Variants in SPAG16 observed in about 807,000 individuals in gnomAD.
SPAG16 encodes the protein sperm associated antigen 16.
A neutral mutation model predicts 80.4 loss-of-function variants in SPAG16; 86 were observed. The observed-to-expected ratio is 1.07, with a 90% CI of 0.90 to 1.28. The LOEUF (loss-of-function observed/expected upper bound fraction) is 1.28, where lower values mean the gene tolerates loss of function less well. Among genes scored for constraint, SPAG16 ranks in the 50% most tolerant of loss-of-function variants. The pLI is 0.00. For missense variants in SPAG16, 870 were observed against 765.3 expected (o/e 1.14, Z -1.61); for synonymous variants, 294 against 265.9 (o/e 1.11, Z -1.03).
chr2:214,311,688 C>T (rs1487571948), intron 15 of SPAG16: 2 of 152,222 alleles, frequency 1.3e-5, no homozygotes, highest in Non-Finnish European at 2.9e-5. Flanking sequence ...CTCAGTTCCA[C>T]TTGGGTCATG....
chr2:213,337,783 C>T (rs536499961), intron 5 of SPAG16, among the ~76,000 whole-genome samples: 1 of 151,982 alleles, frequency 6.6e-6, no homozygotes, highest in Non-Finnish European at 1.5e-5. Flanking sequence ...AGAATGGAAC[C>T]AAGTTGGAAA....
intron 15 of SPAG16, among the ~76,000 whole-genome samples, chr2:214,224,069 G>T (rs560885374): frequency 6.6e-6 from 1 of 152,156 alleles, no homozygotes. Flanking sequence ...TGTTAGTGGG[G>T]CTGTAGTCTC....
chr2:213,679,860 C>T (rs974761486), intron 10 of SPAG16, among the ~76,000 whole-genome samples: 7 of 151,998 alleles, frequency 4.6e-5, no homozygotes, highest in Non-Finnish European at 8.8e-5. Flanking sequence ...ACAGGAAGCA[C>T]CCATAGACTT....
chr2:213,840,587 A>G (rs1162355780), intron 10 of SPAG16, among the ~76,000 whole-genome samples: 2 of 152,224 alleles, frequency 1.3e-5, no homozygotes, highest in African/African-American at 4.8e-5. Context: ...GGTAAATTCC[A>G]TAACTGTCTA....
chr2:213,624,573 C>G (rs2061893638), intron 10 of SPAG16, among the ~76,000 whole-genome samples: 4 of 152,130 alleles, frequency 2.6e-5, no homozygotes, highest in Admixed American at 2.6e-4. Flanking sequence ...AAATGTCTTC[C>G]TTTTGCACAT....
intron 11 of SPAG16, among the ~76,000 whole-genome samples, chr2:213,888,315 A>C (rs4672691): frequency 0.59 from 89,418 of 150,976 alleles, 28,309 homozygotes; most frequent in South Asian, 0.85. Context: ...TATAAGTTAG[A>C]GCATTCAGAG....
intron 11 of SPAG16, among the ~76,000 whole-genome samples, chr2:213,897,489 T>G (rs35833232): frequency 6.6e-6 from 1 of 152,198 alleles, no homozygotes; most frequent in African/African-American, 2.4e-5. Context: ...GACTTTATTG[T>G]TTTCTTGGAT....
At chr2:213,900,292 G>A (rs745405034) in intron 11 of SPAG16, among the ~76,000 whole-genome samples, 1 of 152,014 alleles carries the variant, frequency 6.6e-6, no homozygotes, top group African/African-American at 2.4e-5. Context: ...AGTTAGACTT[G>A]GAAAAATCCT....
intron 15 of SPAG16, among the ~76,000 whole-genome samples, chr2:214,269,402 G>A (rs898908734): frequency 1.3e-5 from 2 of 151,816 alleles, no homozygotes; most frequent in Admixed American, 1.3e-4. Flanking sequence ...TTCTTTGCAC[G>A]ATTATGGCTG....
intron 8 of SPAG16, among the ~76,000 whole-genome samples, chr2:213,370,469 A>T (rs1171952320): frequency 6.6e-6 from 1 of 152,186 alleles, no homozygotes; most frequent in Non-Finnish European, 1.5e-5. Flanking sequence ...TTTTCATATT[A>T]AGATAAGAAG....
rs563580531 is a variant in SPAG16, at chr2:214,125,396, G to A, written c.1593+17135G>A. Among the ~76,000 whole-genome samples the A allele has an allele frequency of 2.6e-5, 4 of 151,636 alleles. No individual in the cohort carries two copies. In the South Asian group the frequency reaches 8.3e-4, roughly 31 times the overall value. ...TTGCTTTTCTATCATGTTATGTTTT[G>A]TATACCTAAAATGGTAAAAACAGAC... On this transcript the variant is annotated intron_variant, in intron 14 of 15. Coordinates refer to ENST00000331683, the MANE Select transcript of SPAG16 (RefSeq NM_024532.5).
At chr2:213,557,096 T>G (rs1171504409) in intron 10 of SPAG16, among the ~76,000 whole-genome samples, 1 of 152,072 alleles carries the variant, frequency 6.6e-6, no homozygotes, top group Non-Finnish European at 1.5e-5. Flanking sequence ...TATTTGTGGG[T>G]TTTTTTCTCA....
At chr2:213,710,546 TGTA>T (rs948722478) in intron 10 of SPAG16, among the ~76,000 whole-genome samples, 34 of 152,242 alleles carry the variant, frequency 2.2e-4, no homozygotes, top group African/African-American at 7.5e-4. Context: ...ATGGCTGTGT[TGTA>T]GTGGTGTGTT....
chr2:214,216,800 T>G (rs114413768), intron 15 of SPAG16, among the ~76,000 whole-genome samples: 2,952 of 152,318 alleles, frequency 0.019, 57 homozygotes, highest in African/African-American at 0.047. Flanking sequence ...TATTTAAAAT[T>G]TTCAATGTTC....
intron 12 of SPAG16, among the ~76,000 whole-genome samples, chr2:213,959,852 C>T (rs2044327155): frequency 6.6e-6 from 1 of 152,178 alleles, no homozygotes; most frequent in Non-Finnish European, 1.5e-5. Flanking sequence ...CAGGTCTTTT[C>T]TAGAAGAGTG....
intron 5 of SPAG16, among the ~76,000 whole-genome samples, chr2:213,332,752 C>A (rs183729028): frequency 6.6e-6 from 1 of 152,058 alleles, no homozygotes; most frequent in Non-Finnish European, 1.5e-5. Flanking sequence ...TACATTACAT[C>A]AAAAGAATGA....
intron 10 of SPAG16, among the ~76,000 whole-genome samples, chr2:213,759,700 T>C (rs997050114): frequency 2.4e-4 from 36 of 151,878 alleles, no homozygotes; most frequent in Admixed American, 1.9e-3. Flanking sequence ...ATATAAAAGA[T>C]AGTAATGCAG....
rs571632502 is a variant in SPAG16 at position 214,369,974 on chromosome 2, T to C, written c.1721-40166T>C. Among the ~76,000 whole-genome samples the C allele has an allele frequency of 3.3e-5, 5 of 152,260 alleles. No individual in the cohort carries two copies. The South Asian group carries it at 1.0e-3, about 32-fold the overall frequency. On this transcript the variant is annotated intron_variant, in intron 15 of 15. Coordinates refer to ENST00000331683, the MANE Select transcript of SPAG16 (RefSeq NM_024532.5). Reference sequence around the variant, plus strand: ...TTCTACCCCTCACCTCAGTAATGAATGTTGAAAACTCTTTTTTCAAAGGTC... The same window carrying C: ...TTCTACCCCTCACCTCAGTAATGAACGTTGAAAACTCTTTTTTCAAAGGTC...
intron 11 of SPAG16, among the ~76,000 whole-genome samples, chr2:213,868,374 C>A (rs1215636678): frequency 6.6e-6 from 1 of 151,910 alleles, no homozygotes; most frequent in African/African-American, 2.4e-5. Flanking sequence ...ATAAAAAATA[C>A]AGTGGTTGAA....
Sources: allele counts gnomAD v4.1 joint callset (sites outside exome capture counted in the v4.1 genomes callset), GRCh38; gene constraint gnomAD v4.1.1; transcripts MANE v1.5; gene names NCBI Gene and HGNC (gene_info 2026-07-23, HGNC 2026-07-21).